The following FCSK variants were observed in gnomAD, a reference collection of about 807,000 sequenced individuals.
FCSK encodes the protein fucose kinase, also known as L-fucose kinase.
Under a neutral mutation model 122.5 loss-of-function variants are expected in FCSK, and 123 were observed. The observed-to-expected ratio is 1.00, with a 90% CI of 0.87 to 1.17. The LOEUF (loss-of-function observed/expected upper bound fraction) is 1.17. Ranked by LOEUF, FCSK falls within the 50% of genes most tolerant of loss-of-function variation. The probability of loss-of-function intolerance (pLI) is 0.00; values close to 1 mark genes in which losing one functional copy is unlikely to be tolerated. For synonymous variants in FCSK, 620 were observed against 625.5 expected (o/e 0.99, Z 0.13); for missense variants, 1,366 against 1,450.4 (o/e 0.94, Z 0.95).
chr16:70,476,774 A>C (rs566182511), intron 20 of FCSK, among the ~76,000 whole-genome samples: 2 of 152,338 alleles, frequency 1.3e-5, no homozygotes, highest in East Asian at 3.9e-4. Flanking sequence ...AGTCATTAGC[A>C]AAAGGAGCAG....
chr16:70,466,320 C>A, intron 5 of FCSK, 63 bp downstream of exon 5: 1 of 1,594,304 alleles, frequency 6.3e-7, no homozygotes, highest in South Asian at 1.1e-5. Context: ...TCCCACTGTT[C>A]CCCCAGGTAT....
At chr16:70,470,539 T>C in intron 11 of FCSK, 113 bp downstream of exon 11, 6 of 686,170 alleles carry the variant, frequency 8.7e-6, no homozygotes, top group South Asian at 5.2e-5. Flanking sequence ...GTGCAGGTGT[T>C]ACCCTGGTTT....
At chr16:70,472,478 C>T in intron 13 of FCSK, 63 bp from the exon 14 acceptor site, 1 of 1,364,574 alleles carries the variant, frequency 7.3e-7, no homozygotes. Flanking sequence ...GGCCCCCTGG[C>T]CGAGTGTCTC....
chr16:70,473,152 T>TGGCGCCTGTCCTGGGA lies in FCSK; in HGVS notation c.1578_1593dup (p.Gln532AlafsTer31), dbSNP rs1435418346. On this transcript the variant is annotated frameshift_variant, in exon 15 of 24. Coordinates refer to ENST00000288078, the MANE Select transcript of FCSK (RefSeq NM_145059.3). LOFTEE classifies it high-confidence loss of function. The surrounding 1 kb of genome is among the most constrained non-coding windows in gnomAD (Gnocchi z 4.9). ...GGCCCTGCGAGCCTGGCGGGCCTCC[T>TGGCGCCTGTCCTGGGA]GGCGCCTGTCCTGGGAGCAGCTGCA... 1.3e-6 allele frequency: 2 copies of TGGCGCCTGTCCTGGGA among 1,550,950 alleles called. No individual in the cohort carries two copies. Among genetic ancestry groups the TGGCGCCTGTCCTGGGA allele is most frequent in the Non-Finnish European group, 1.7e-6 (2 of 1,150,468 alleles).
intron 1 of FCSK, 102 bp from the exon 2 acceptor site, chr16:70,463,067 A>T: frequency 2.8e-6 from 2 of 707,318 alleles, no homozygotes; most frequent in East Asian, 2.8e-5. Context: ...TACCAACACG[A>T]ATCTATACAC....
At chr16:70,470,281 AT>A in intron 10 of FCSK, 32 bp from the exon 11 acceptor site, 2 of 1,473,192 alleles carry the variant, frequency 1.4e-6, no homozygotes, top group Non-Finnish European at 1.9e-6. Flanking sequence ...CGCAGCAGGC[AT>A]GGGGTTGGGT....
At position 70,469,192 on chromosome 16, in the gene FCSK, A is replaced by AC. The variant is rs1014386768; in HGVS notation, c.825dup (p.Val276ArgfsTer60). ...GACATTCTCCACTGCATGGCTGAGA[A>AC]CGTGACCAGGGAGGACTTCCTGGTG... On this transcript the variant is annotated frameshift_variant, in exon 10 of 24. Transcript: ENST00000288078. LOFTEE classifies it high-confidence loss of function. 1 of 1,614,114 alleles carries AC rather than the reference A, an allele frequency of 6.2e-7. No individual in the cohort carries two copies. Among genetic ancestry groups the AC allele is most frequent in the Admixed American group, 1.7e-5 (1 of 60,020 alleles).
intron 1 of FCSK, chr16:70,457,936 C>T (rs2048140798): frequency 6.6e-6 from 1 of 151,816 alleles, no homozygotes; most frequent in Admixed American, 6.6e-5. Context: ...GACCAGATAT[C>T]ATTATCACTA....
intron 3 of FCSK, 195 bp from the exon 4 acceptor site, chr16:70,464,931 G>A (rs2048371240): frequency 8.5e-7 from 1 of 1,182,396 alleles, no homozygotes; most frequent in Non-Finnish European, 1.2e-6. Context: ...GGCCCAGGTG[G>A]AGGGCCCTGG....
Position 70,470,491 on chromosome 16 carries a change from G to C in FCSK, c.1068+65G>C. 3.5e-5 allele frequency: 36 copies of C among 1,016,210 alleles called. No individual in the cohort carries two copies. The South Asian group carries it at 4.7e-4, about 13-fold the overall frequency. 62.9% of individuals were successfully genotyped at this position (1,016,210 alleles called of 1,614,324 possible). Reference sequence around the variant, plus strand: ...GGGGTCAGGTGGGATGTGGATTCCCGGGAAGAAAATAGCCGGCACTTGGAA... The same window carrying C: ...GGGGTCAGGTGGGATGTGGATTCCCCGGAAGAAAATAGCCGGCACTTGGAA... On this transcript the variant is annotated intron_variant, in intron 11 of 23. Coordinates refer to ENST00000288078, the MANE Select transcript of FCSK (RefSeq NM_145059.3).
At chr16:70,474,741 C>A in intron 17 of FCSK, 47 bp downstream of exon 17, 1 of 1,560,486 alleles carries the variant, frequency 6.4e-7, no homozygotes, top group Non-Finnish European at 8.7e-7. Context: ...GCCCCAGAGC[C>A]AGGCTGGCAG....
In FCSK at chr16:70,469,191, AACGTG is replaced by A. The variant is rs1567701815; in HGVS notation, c.826_830del (p.Val276GlnfsTer58). The A allele has an allele frequency of 6.2e-7, 1 of 1,614,086 alleles. No individual in the cohort carries two copies. ...TGACATTCTCCACTGCATGGCTGAG[AACGTG>A]ACCAGGGAGGACTTCCTGGTGGGGA... On this transcript the variant is annotated frameshift_variant, in exon 10 of 24. Transcript: ENST00000288078. LOFTEE classifies it high-confidence loss of function.
At chr16:70,475,237 G>A in intron 18 of FCSK, 113 bp from the exon 19 acceptor site, 1 of 1,294,474 alleles carries the variant, frequency 7.7e-7, no homozygotes, top group Non-Finnish European at 1.1e-6. Flanking sequence ...TACTGCTGCT[G>A]GGCTTTTGTC....
In FCSK at chr16:70,479,602, C is replaced by G. The variant is rs2048936032; in HGVS notation, c.3177C>G (p.His1059Gln). ...AGGGCCTTGGGAATTACAGCATCCA[C>G]CTGGTTGAAGTGGACACTCAGGGCC... ...KTEGLGNYSI[H>Q]LVEVDTQGLS... The change falls in exon 24 of 24, where the codon CAC (histidine) becomes CAG (glutamine). Residue 1059 changes from histidine (H) to glutamine (Q), a missense_variant. Transcript: ENST00000288078. 6.2e-7 allele frequency: 1 copy of G among 1,614,096 alleles called. No individual in the cohort carries two copies. Among genetic ancestry groups the G allele is most frequent in the Non-Finnish European group, 8.5e-7 (1 of 1,179,962 alleles).
At position 70,475,342 on chromosome 16, in the gene FCSK, T is replaced by G; in HGVS notation, c.2378-8T>G. On this transcript the variant is annotated splice_region_variant and splice_polypyrimidine_tract_variant and intron_variant, in intron 18 of 23. Transcript: ENST00000288078. ...CTGAATTCCTTTCTCATGCCTGTCCTTCTGCAGGGGCCCTGCTGAAGGCGG... is the reference window on the plus strand; with the variant it reads ...CTGAATTCCTTTCTCATGCCTGTCCGTCTGCAGGGGCCCTGCTGAAGGCGG... 6.2e-7 allele frequency: 1 copy of G among 1,608,944 alleles called. No homozygotes were observed. The highest frequency in any genetic ancestry group is 8.5e-7 in the Non-Finnish European group (1 of 1,179,694).
At position 70,475,341 on chromosome 16, in the gene FCSK, C is replaced by CT. The variant is rs755489792; in HGVS notation, c.2378-7dup. On this transcript the variant is annotated splice_polypyrimidine_tract_variant and intron_variant, in intron 18 of 23. Coordinates refer to ENST00000288078, the MANE Select transcript of FCSK (RefSeq NM_145059.3). The stretch of plus-strand genomic sequence containing the variant: ...ACTGAATTCCTTTCTCATGCCTGTC[C>CT]TTCTGCAGGGGCCCTGCTGAAGGCG... The CT allele has an allele frequency of 1.1e-3, 1,727 of 1,608,906 alleles. 3 individuals carry two copies. The highest frequency in any genetic ancestry group is 1.4e-3 in the Non-Finnish European group (1,630 of 1,179,842).
chr16:70,479,960 C>T lies in FCSK; in HGVS notation c.*280C>T, dbSNP rs1435020229. 2 of 308,934 alleles carry T rather than the reference C, an allele frequency of 6.5e-6. No homozygotes were observed. The highest frequency in any genetic ancestry group is 6.0e-6 in the Non-Finnish European group (1 of 165,346). The allele number at this position is 308,934 out of a possible 1,614,324, so 19.1% of individuals were successfully genotyped here. On this transcript the variant is annotated 3_prime_UTR_variant, in exon 24 of 24. Coordinates refer to ENST00000288078, the MANE Select transcript of FCSK (RefSeq NM_145059.3). ...TTACAAATCCTATGGCTGGCCTTCT[C>T]ATTCCACAAGGGCCCTGGAAAGGGT...
intron 8 of FCSK, among the ~76,000 whole-genome samples, 163 bp from the exon 9 acceptor site, chr16:70,468,686 C>G (rs527668056): frequency 1.3e-5 from 2 of 150,956 alleles, no homozygotes; most frequent in African/African-American, 4.9e-5. Context: ...GGGAGCTACC[C>G]CAAGTAAGCC....
chr16:70,472,116 G>A (rs1411203808), intron 13 of FCSK, among the ~76,000 whole-genome samples: 1 of 152,066 alleles, frequency 6.6e-6, no homozygotes, highest in Non-Finnish European at 1.5e-5. Context: ...GCTGGGTGGG[G>A]GTTTTTATCC....
Sources: gnomAD v4.1 joint callset for allele counts (sites outside exome capture counted in the v4.1 genomes callset) on GRCh38, gnomAD v4.1.1 for gene constraint, Gnocchi (gnomAD v3.1) non-coding constraint, MANE v1.5 for transcripts, NCBI Gene and HGNC (gene_info 2026-07-23, HGNC 2026-07-21) for gene names.